The following MCTP1 variants were observed in gnomAD, a reference collection of about 807,000 sequenced individuals.
The protein encoded by MCTP1 is multiple C2 and transmembrane domain-containing protein 1.
In MCTP1, 69 loss-of-function variants were observed where a neutral mutation model predicts 120.6. That is an observed-to-expected ratio of 0.57 (90% CI 0.47 to 0.70). MCTP1 has a LOEUF of 0.70. Among genes scored for constraint, MCTP1 ranks in the 30% least tolerant of loss-of-function variants. The pLI is 0.00. For missense variants in MCTP1, 1,203 were observed against 1,248.8 expected (o/e 0.96, Z 0.55); for synonymous variants, 529 against 493.1 (o/e 1.07, Z -0.96).
In MCTP1 at chr5:94,972,457, C is replaced by G. The variant is rs149337302; in HGVS notation, c.839-19096G>C. ...AGAGAATATCTTATTCTCCAAGCAA[C>G]AGGTGTGGCCATGTACCCATGTCCT... is the stretch of plus-strand genomic sequence containing the variant. On this transcript the variant is annotated intron_variant, in intron 2 of 22. Transcript: ENST00000515393. Among the ~76,000 whole-genome samples, 327 of 152,130 alleles carry G rather than the reference C, an allele frequency of 2.1e-3. 1 individual carries two copies. The highest frequency in any genetic ancestry group is 7.7e-3 in the African/African-American group (319 of 41,510).
At chr5:95,213,887 G>A (rs898906492) in intron 1 of MCTP1, among the ~76,000 whole-genome samples, 32 of 152,204 alleles carry the variant, frequency 2.1e-4, no homozygotes, top group Admixed American at 2.0e-3. Flanking sequence ...AGACTTAAAC[G>A]TTAGACCTAA....
At chr5:94,973,109 T>C (rs1045014286) in intron 2 of MCTP1, among the ~76,000 whole-genome samples, 1 of 152,164 alleles carries the variant, frequency 6.6e-6, no homozygotes, top group African/African-American at 2.4e-5. Context: ...ATGAATAAAT[T>C]AGTATTCTCA....
intron 1 of MCTP1, among the ~76,000 whole-genome samples, chr5:95,173,399 T>A (rs1396063680): frequency 6.6e-6 from 1 of 151,856 alleles, no homozygotes; most frequent in Non-Finnish European, 1.5e-5. Flanking sequence ...AGAAAAAAAA[T>A]TTATGAGAGA....
intron 17 of MCTP1, among the ~76,000 whole-genome samples, chr5:94,849,701 C>T (rs1793244663): frequency 6.6e-6 from 1 of 152,088 alleles, no homozygotes. Flanking sequence ...TTCTGAAATA[C>T]ATCAAAAGTT....
intron 17 of MCTP1, among the ~76,000 whole-genome samples, chr5:94,840,159 T>C (rs1257207957): frequency 6.6e-6 from 1 of 152,092 alleles, no homozygotes; most frequent in Non-Finnish European, 1.5e-5. Context: ...ACACTCATCT[T>C]AGACTCAGTG....
rs1754714804 is a variant in MCTP1, at chr5:94,706,670, T to G, written c.*826A>C. 6.6e-6 allele frequency: 1 copy of G among 151,696 alleles called. No individual in the cohort carries two copies. The highest frequency in any genetic ancestry group is 2.1e-4 in the South Asian group (1 of 4,830). The allele number at this position is 151,696 out of a possible 1,614,324, so 9.4% of individuals were successfully genotyped here. ...ACACCAAAAGCGATATGGATATAGT[T>G]TCCTAGTATTTTTGATAACTGTACT... On this transcript the variant is annotated 3_prime_UTR_variant, in exon 23 of 23. Coordinates refer to ENST00000515393, the MANE Select transcript of MCTP1 (RefSeq NM_024717.7).
At chr5:95,070,683 G>T (rs144158296) in intron 1 of MCTP1, among the ~76,000 whole-genome samples, 13 of 152,176 alleles carry the variant, frequency 8.5e-5, no homozygotes, top group Non-Finnish European at 1.8e-4. Flanking sequence ...CTACCTACCA[G>T]ACTTTGGCCA....
chr5:95,055,281 C>T (rs1747086530), intron 1 of MCTP1, among the ~76,000 whole-genome samples: 1 of 152,116 alleles, frequency 6.6e-6, no homozygotes, highest in Non-Finnish European at 1.5e-5. Flanking sequence ...CCGAGCTAAT[C>T]AAGATTATTA....
intron 1 of MCTP1, among the ~76,000 whole-genome samples, chr5:95,052,096 T>C (rs1048366124): frequency 1.3e-5 from 2 of 152,192 alleles, no homozygotes; most frequent in Non-Finnish European, 2.9e-5. Flanking sequence ...AGCAAAGCAA[T>C]TGCTTGTAAT....
rs1787077497 is a variant in MCTP1 at position 94,826,428 on chromosome 5, T to C, written c.2437-27296A>G. 41 of 664,782 alleles carry C rather than the reference T, an allele frequency of 6.2e-5. 2 individuals are homozygous for C. The highest frequency in any genetic ancestry group is 5.8e-4 in the South Asian group (41 of 70,668). 41.2% of individuals were successfully genotyped at this position (664,782 alleles called of 1,614,324 possible). On this transcript the variant is annotated intron_variant, in intron 17 of 22. Coordinates refer to ENST00000515393, the MANE Select transcript of MCTP1 (RefSeq NM_024717.7). ...TGATACCTCTGATCCTGATGACAAA[T>C]GCCAATTTGGGTTCTTCAGGAACAC...
At chr5:95,158,179 C>G (rs1745332319) in intron 1 of MCTP1, among the ~76,000 whole-genome samples, 1 of 152,208 alleles carries the variant, frequency 6.6e-6, no homozygotes, top group Admixed American at 6.5e-5. Flanking sequence ...ACAATATGGA[C>G]TGTGACAATA....
At chr5:95,217,688 AT>A (rs1753196489) in intron 1 of MCTP1, among the ~76,000 whole-genome samples, 1 of 152,288 alleles carries the variant, frequency 6.6e-6, no homozygotes, top group Middle Eastern at 3.4e-3. Flanking sequence ...TGGAGGAAAG[AT>A]TTTATATGGA....
intron 2 of MCTP1, among the ~76,000 whole-genome samples, chr5:95,014,001 T>C (rs372688103): frequency 2.6e-5 from 4 of 151,948 alleles, no homozygotes; most frequent in African/African-American, 9.7e-5. Context: ...TGTCTCATGC[T>C]TGTATCCTCA....
Position 95,175,473 on chromosome 5 carries a change from A to G in MCTP1, c.720+108383T>C, listed in dbSNP as rs530636776. ...TTTCCCTCTATTCCTTCATGAAGCT[A>G]TCTTCTCAGCTGAGGAACAATTAGA... On this transcript the variant is annotated intron_variant, in intron 1 of 22. Coordinates refer to ENST00000515393, the MANE Select transcript of MCTP1 (RefSeq NM_024717.7). 1.1e-3 allele frequency among the ~76,000 whole-genome samples: 172 copies of G among 152,304 alleles called. 3 individuals are homozygous for G. The highest frequency in any genetic ancestry group is 3.9e-3 in the African/African-American group (161 of 41,556).
At chr5:95,008,376 A>C (rs1400136950) in intron 2 of MCTP1, among the ~76,000 whole-genome samples, 1 of 152,104 alleles carries the variant, frequency 6.6e-6, no homozygotes, top group Non-Finnish European at 1.5e-5. Flanking sequence ...TTTGTGGGCT[A>C]TGCTCTCACT....
At chr5:95,049,846 G>A (rs1745438255) in intron 1 of MCTP1, among the ~76,000 whole-genome samples, 1 of 152,146 alleles carries the variant, frequency 6.6e-6, no homozygotes, top group Non-Finnish European at 1.5e-5. Context: ...ATGGCTGCCA[G>A]TCTAAAATAG....
In MCTP1 at chr5:94,977,532, A is replaced by G. The variant is rs1828392100; in HGVS notation, c.839-24171T>C. 3.3e-5 allele frequency among the ~76,000 whole-genome samples: 5 copies of G among 152,146 alleles called. No individual in the cohort carries two copies. In the South Asian group the frequency reaches 1.0e-3, roughly 31 times the overall value. On this transcript the variant is annotated intron_variant, in intron 2 of 22. Coordinates refer to ENST00000515393, the MANE Select transcript of MCTP1 (RefSeq NM_024717.7). ...TAGTCAAAAAAAATCTTGAGAAAGAAAAACAAAGCTGGAGGCATCATACTT... is the reference window on the plus strand; with the variant it reads ...TAGTCAAAAAAAATCTTGAGAAAGAGAAACAAAGCTGGAGGCATCATACTT...
At position 94,863,351 on chromosome 5, in the gene MCTP1, TAACAACAA is replaced by T. The variant is rs565099455; in HGVS notation, c.2436+4974_2436+4981del. Among the ~76,000 whole-genome samples the T allele has an allele frequency of 2.3e-4, 35 of 151,938 alleles. 1 individual carries two copies. In the South Asian group the frequency reaches 6.2e-3, roughly 27 times the overall value. Reference sequence around the variant, plus strand: ...TAGCGCTAAAAAAAAATTGTAGCAATAACAACAAAAACTCTTCTATAAAAATCATTTGA... The same window carrying T: ...TAGCGCTAAAAAAAAATTGTAGCAATAAACTCTTCTATAAAAATCATTTGA... On this transcript the variant is annotated intron_variant, in intron 17 of 22. Transcript: ENST00000515393.
chr5:95,010,768 C>T (rs538546709), intron 2 of MCTP1, among the ~76,000 whole-genome samples: 13 of 152,022 alleles, frequency 8.6e-5, no homozygotes, highest in Admixed American at 2.6e-4. Context: ...TATTTTTTGG[C>T]GGAGAAGTCT....
Sources: allele counts gnomAD v4.1 joint callset (sites outside exome capture counted in the v4.1 genomes callset), GRCh38; gene constraint gnomAD v4.1.1; transcripts MANE v1.5; gene names NCBI Gene and HGNC (gene_info 2026-07-23, HGNC 2026-07-21).